Variants in LARP1B observed in about 807,000 individuals in gnomAD.
The protein encoded by LARP1B is la-related protein 1B.
Under a neutral mutation model 114.2 loss-of-function variants are expected in LARP1B, and 76 were observed. The ratio of observed to expected loss-of-function variants is 0.67; its 90% CI spans 0.55 to 0.81. The LOEUF (loss-of-function observed/expected upper bound fraction) is 0.81, where lower values mean the gene tolerates loss of function less well. Among genes scored for constraint, LARP1B ranks in the 30% least tolerant of loss-of-function variants. The pLI, the probability that LARP1B is intolerant of heterozygous loss-of-function variation, is 0.00. For missense variants in LARP1B, 1,014 were observed against 1,075.8 expected (o/e 0.94, Z 0.80); for synonymous variants, 345 against 348.0 (o/e 0.99, Z 0.10).
intron 1 of LARP1B, among the ~76,000 whole-genome samples, chr4:128,065,313 CTTTCTCTCTCTCTCTCT>C (rs1762217452): frequency 5.3e-5 from 4 of 75,168 alleles, no homozygotes; most frequent in Non-Finnish European, 1.2e-4. Flanking sequence ...TTCTTTCTTT[CTTTCTCTCTCTCTCTCT>C]CTTTCCTTTC....
chr4:128,114,939 T>A (rs1020585709), intron 10 of LARP1B, among the ~76,000 whole-genome samples, 197 bp downstream of exon 10: 1 of 152,128 alleles, frequency 6.6e-6, no homozygotes, highest in African/African-American at 2.4e-5. Flanking sequence ...TAAAATGTTA[T>A]TTATTTTTTT....
rs375513568 is a variant in LARP1B at position 128,074,925 on chromosome 4, A to G, written c.-18-9A>G. The G allele has an allele frequency of 6.3e-7, 1 of 1,583,988 alleles. No individual in the cohort carries two copies. The highest frequency in any genetic ancestry group is 8.6e-7 in the Non-Finnish European group (1 of 1,156,266). ...ATTTCAGACCTAACACTTATTTGTT[A>G]CTTCTTAGGCTAGTGATTTCAGTGA... On this transcript the variant is annotated splice_polypyrimidine_tract_variant and intron_variant, in intron 2 of 19. Coordinates refer to ENST00000326639, the MANE Select transcript of LARP1B (RefSeq NM_018078.4).
chr4:128,122,554 A>T, intron 11 of LARP1B: 5 of 1,523,352 alleles, frequency 3.3e-6, no homozygotes, highest in Non-Finnish European at 4.4e-6. Flanking sequence ...CTTAATTTAT[A>T]TGCTCATTGC....
intron 19 of LARP1B, 54 bp downstream of exon 19, chr4:128,207,437 C>CT: frequency 1.6e-6 from 2 of 1,219,494 alleles, no homozygotes. Flanking sequence ...ATTTCAGTCT[C>CT]TTATCAGTGA....
At chr4:128,069,464 G>T (rs2149330519) in intron 1 of LARP1B, 2 of 757,214 alleles carry the variant, frequency 2.6e-6, no homozygotes, top group East Asian at 2.4e-5. Flanking sequence ...AAACTTGGTT[G>T]GCCTTGTAGC....
intron 1 of LARP1B, among the ~76,000 whole-genome samples, chr4:128,073,856 C>T (rs1237367332): frequency 1.3e-5 from 2 of 151,820 alleles, no homozygotes; most frequent in South Asian, 2.1e-4. Context: ...TCCCGAAGTG[C>T]TGGGATTACA....
At chr4:128,087,465 A>C (rs1414020573) in intron 5 of LARP1B, among the ~76,000 whole-genome samples, 1 of 152,174 alleles carries the variant, frequency 6.6e-6, no homozygotes, top group Non-Finnish European at 1.5e-5. Flanking sequence ...TATTATGAAA[A>C]ACTTTAAACA....
chr4:128,120,354 ACTT>A (rs1435826488), intron 10 of LARP1B, among the ~76,000 whole-genome samples: 2 of 152,180 alleles, frequency 1.3e-5, no homozygotes, highest in African/African-American at 4.8e-5. Flanking sequence ...AGTAGAAACT[ACTT>A]CCTTCTGTTG....
intron 1 of LARP1B, chr4:128,062,027 TCGCCGTTGC>T (rs1157681538): frequency 1.2e-5 from 12 of 984,734 alleles, no homozygotes; most frequent in Admixed American, 6.2e-5. Context: ...GCCGCCGCCG[TCGCCGTTGC>T]CGCCGTTGCT....
At chr4:128,091,718 T>A (rs1273904743) in intron 7 of LARP1B, among the ~76,000 whole-genome samples, 1 of 152,020 alleles carries the variant, frequency 6.6e-6, no homozygotes, top group African/African-American at 2.4e-5. Context: ...CGCCTCAGCC[T>A]CCTGGGTAGT....
intron 11 of LARP1B, chr4:128,156,087 G>A (rs1735487917): frequency 6.2e-7 from 1 of 1,602,378 alleles, no homozygotes; most frequent in Admixed American, 1.7e-5. Context: ...CCCCCAGCCT[G>A]GTCTTCACCT....
At chr4:128,175,681 A>C (rs929589495) in intron 12 of LARP1B, among the ~76,000 whole-genome samples, 1 of 152,160 alleles carries the variant, frequency 6.6e-6, no homozygotes, top group African/African-American at 2.4e-5. Flanking sequence ...TGAGTTTTAA[A>C]GTATCATTAT....
chr4:128,200,493 AAAT>A, intron 16 of LARP1B, 25 bp from the exon 17 acceptor site: 2 of 1,334,218 alleles, frequency 1.5e-6, no homozygotes, highest in Non-Finnish European at 2.0e-6. Flanking sequence ...ATGTTTAATA[AAAT>A]AATATTTTAT....
chr4:128,146,388 G>A (rs1331519482), intron 11 of LARP1B, among the ~76,000 whole-genome samples: 4 of 152,268 alleles, frequency 2.6e-5, no homozygotes, highest in Admixed American at 1.3e-4. Context: ...CATGTGATGT[G>A]TATATAGGAC....
intron 5 of LARP1B, among the ~76,000 whole-genome samples, chr4:128,084,645 A>G (rs913367351): frequency 4.6e-5 from 7 of 151,844 alleles, no homozygotes; most frequent in Non-Finnish European, 8.8e-5. Context: ...GGGGAGAGGG[A>G]GAGGGAGAGG....
At chr4:128,150,141 A>G (rs1442946675) in intron 11 of LARP1B, among the ~76,000 whole-genome samples, 1 of 152,076 alleles carries the variant, frequency 6.6e-6, no homozygotes, top group Non-Finnish European at 1.5e-5. Context: ...ACAGACCAAG[A>G]CTCCATCTCA....
chr4:128,193,369 C>T (rs1752907057), intron 15 of LARP1B, among the ~76,000 whole-genome samples: 1 of 152,134 alleles, frequency 6.6e-6, no homozygotes, highest in Admixed American at 6.5e-5. Flanking sequence ...GTTATTAATA[C>T]ACCCACACAC....
intron 12 of LARP1B, among the ~76,000 whole-genome samples, chr4:128,176,160 AAT>A (rs574902854): frequency 0.054 from 7,111 of 132,654 alleles, 590 homozygotes; most frequent in African/African-American, 0.18. Flanking sequence ...TATATATATA[AAT>A]ATATATATTA....
chr4:128,066,633 A>G (rs981866677), intron 1 of LARP1B, among the ~76,000 whole-genome samples: 1 of 151,612 alleles, frequency 6.6e-6, no homozygotes. Context: ...AAGCGGCACC[A>G]TGCCTGGCTA....
Sources: gnomAD v4.1 joint callset for allele counts (sites outside exome capture counted in the v4.1 genomes callset) on GRCh38, gnomAD v4.1.1 for gene constraint, MANE v1.5 for transcripts, NCBI Gene and HGNC (gene_info 2026-07-23, HGNC 2026-07-21) for gene names.